The following KCNK1 variants were observed in gnomAD, a reference collection of about 807,000 sequenced individuals.
KCNK1 encodes potassium two pore domain channel subfamily K member 1.
KCNK1 carries 10 observed loss-of-function variants against 22.2 expected under a neutral mutation model. The observed-to-expected ratio is 0.45, with a 90% CI of 0.28 to 0.76. The LOEUF is 0.76. Among genes scored for constraint, KCNK1 ranks in the 30% least tolerant of loss-of-function variants. The pLI, the probability that KCNK1 is intolerant of heterozygous loss-of-function variation, is 0.14. For missense variants in KCNK1, 378 were observed against 421.0 expected, an observed-to-expected ratio of 0.90 and a Z score of 0.89; for synonymous variants, 200 against 186.4, an observed-to-expected ratio of 1.07 and a Z score of -0.60.
At chr1:233,626,724 A>G (rs1241006385) in intron 1 of KCNK1, among the ~76,000 whole-genome samples, 2 of 152,222 alleles carry the variant, frequency 1.3e-5, no homozygotes, top group Admixed American at 6.5e-5. Flanking sequence ...AGGCTAAGAA[A>G]GAGTACCTAA....
intron 1 of KCNK1, among the ~76,000 whole-genome samples, chr1:233,642,176 C>G (rs1478624317): frequency 6.6e-6 from 1 of 152,176 alleles, no homozygotes; most frequent in African/African-American, 2.4e-5. Context: ...GTTCTGGTCT[C>G]TCACTCTAGG....
At chr1:233,662,094 T>C (rs528442423) in intron 1 of KCNK1, among the ~76,000 whole-genome samples, 9 of 152,296 alleles carry the variant, frequency 5.9e-5, no homozygotes, top group African/African-American at 2.2e-4. Flanking sequence ...GGGAAAGAGA[T>C]AATTAATAAG....
At chr1:233,662,511 G>C (rs1187242025) in intron 1 of KCNK1, among the ~76,000 whole-genome samples, 3 of 152,156 alleles carry the variant, frequency 2.0e-5, no homozygotes, top group Non-Finnish European at 4.4e-5. Flanking sequence ...GCCCAGAAAG[G>C]TTCTCTGTCT....
At chr1:233,616,910 T>A (rs943982968) in intron 1 of KCNK1, among the ~76,000 whole-genome samples, 3 of 152,256 alleles carry the variant, frequency 2.0e-5, no homozygotes, top group African/African-American at 7.2e-5. Context: ...TTAAATCACT[T>A]GCTGGAAGCA....
intron 1 of KCNK1, among the ~76,000 whole-genome samples, chr1:233,657,340 G>T (rs1164598985): frequency 6.6e-6 from 1 of 152,142 alleles, no homozygotes; most frequent in African/African-American, 2.4e-5. Context: ...TTGGAATTGG[G>T]GGAAAGCTGT....
At chr1:233,614,580 C>T (rs1657449191) in intron 1 of KCNK1, 54 bp downstream of exon 1, 24 of 1,409,716 alleles carry the variant, frequency 1.7e-5, no homozygotes, top group Non-Finnish European at 2.3e-5. Context: ...CCACAACCCA[C>T]ACACCCCGGC....
In KCNK1 at chr1:233,671,441, G is replaced by A; in HGVS notation, c.922G>A (p.Ala308Thr). 6.2e-7 allele frequency: 1 copy of A among 1,614,164 alleles called. No individual in the cohort carries two copies. Residue 308 changes from alanine to threonine, a missense_variant, in exon 3 of 3, where the codon GCA (alanine) becomes ACA (threonine). Coordinates refer to ENST00000366621, the MANE Select transcript of KCNK1 (RefSeq NM_002245.4). ...GTCCTTCTCCTCGATCACAGACCAG[G>A]CAGCTGGCATGAAAGAGGACCAGAA... ...QLSFSSITDQAAGMKEDQKQN... is the reference protein window; with the variant it reads ...QLSFSSITDQTAGMKEDQKQN...
chr1:233,650,159 A>T (rs937952050), intron 1 of KCNK1: 6 of 411,238 alleles, frequency 1.5e-5, no homozygotes, highest in Non-Finnish European at 1.5e-5. Flanking sequence ...ACCAGCATCT[A>T]CTGATAAGAA....
intron 1 of KCNK1, among the ~76,000 whole-genome samples, chr1:233,649,781 G>C (rs1022808481): frequency 1.3e-5 from 2 of 152,168 alleles, no homozygotes; most frequent in Non-Finnish European, 2.9e-5. Context: ...TTGCATTGGG[G>C]ATTAGGCTTT....
At chr1:233,634,195 A>C (rs1016682236) in intron 1 of KCNK1, among the ~76,000 whole-genome samples, 3 of 151,828 alleles carry the variant, frequency 2.0e-5, no homozygotes, top group African/African-American at 7.3e-5. Flanking sequence ...AATCCCAGCT[A>C]CTTGGGAGGC....
At chr1:233,649,858 G>T in intron 1 of KCNK1, 1 of 453,290 alleles carries the variant, frequency 2.2e-6, no homozygotes, top group Non-Finnish European at 4.5e-6. Flanking sequence ...AAATCTTTGG[G>T]CACCCAGCAA....
intron 1 of KCNK1, among the ~76,000 whole-genome samples, chr1:233,628,473 A>C (rs546850047): frequency 8.5e-5 from 13 of 152,174 alleles, no homozygotes; most frequent in Non-Finnish European, 1.3e-4. Context: ...ACAATTTAAA[A>C]AGTCGGCCGG....
intron 1 of KCNK1, among the ~76,000 whole-genome samples, chr1:233,626,819 A>G (rs1657696949): frequency 6.6e-6 from 1 of 152,192 alleles, no homozygotes; most frequent in African/African-American, 2.4e-5. Flanking sequence ...TATTTGCTTC[A>G]TATTTTCTTA....
chr1:233,622,399 G>A (rs1009518557), intron 1 of KCNK1, among the ~76,000 whole-genome samples: 3 of 152,208 alleles, frequency 2.0e-5, no homozygotes, highest in Non-Finnish European at 4.4e-5. Context: ...TCCATTGACT[G>A]TGTCATGCCC....
At chr1:233,615,851 C>A (rs58664136) in intron 1 of KCNK1, among the ~76,000 whole-genome samples, 4,723 of 151,806 alleles carry the variant, frequency 0.031, 235 homozygotes, top group African/African-American at 0.11. Flanking sequence ...TCACATGAAA[C>A]AATTATTCAG....
chr1:233,623,804 C>G lies in KCNK1; in HGVS notation c.355+9278C>G, dbSNP rs185790001. Among the ~76,000 whole-genome samples, 48 of 152,218 alleles carry G rather than the reference C, an allele frequency of 3.2e-4. No individual in the cohort carries two copies. In the South Asian group the frequency reaches 3.9e-3, roughly 13 times the overall value. ...GGGTTTTGCCATGTTGGTTGCCATG[C>G]TGGTCTTGAACTCCTGGCCTCAGGT... On this transcript the variant is annotated intron_variant, in intron 1 of 2. Transcript: ENST00000366621.
At chr1:233,625,774 A>G (rs922911129) in intron 1 of KCNK1, among the ~76,000 whole-genome samples, 2 of 152,146 alleles carry the variant, frequency 1.3e-5, no homozygotes, top group Admixed American at 1.3e-4. Flanking sequence ...ACTTACGTAA[A>G]GAGTGAGAGG....
At position 233,614,332 on chromosome 1, in the gene KCNK1, A is replaced by G. The variant is rs1205651347; in HGVS notation, c.161A>G (p.Gln54Arg). 6.2e-7 allele frequency: 1 copy of G among 1,611,884 alleles called. No individual in the cohort carries two copies. Among genetic ancestry groups the G allele is most frequent in the East Asian group, 2.2e-5 (1 of 44,818 alleles). The stretch of plus-strand genomic sequence containing the variant: ...CTGCCCTATGAGGACCTGCTGCGCC[A>G]GGAGCTGCGCAAGCTGAAGCGACGC... Reference protein sequence around the residue: ...VELPYEDLLRQELRKLKRRFL... With the variant: ...VELPYEDLLRRELRKLKRRFL... Residue 54 changes from glutamine to arginine, a missense_variant, in exon 1 of 3, where the codon CAG (glutamine) becomes CGG (arginine). Coordinates refer to ENST00000366621, the MANE Select transcript of KCNK1 (RefSeq NM_002245.4).
chr1:233,653,141 T>G (rs1658228385), intron 1 of KCNK1, among the ~76,000 whole-genome samples: 1 of 152,214 alleles, frequency 6.6e-6, no homozygotes, highest in Non-Finnish European at 1.5e-5. Context: ...CTTGCTGAAA[T>G]GATTCAAACT....
Sources: gnomAD v4.1 joint callset for allele counts (sites outside exome capture counted in the v4.1 genomes callset) on GRCh38, gnomAD v4.1.1 for gene constraint, MANE v1.5 for transcripts, NCBI Gene and HGNC (gene_info 2026-07-23, HGNC 2026-07-21) for gene names.